Variants in ARL6IP6 observed in about 807,000 individuals in gnomAD.
The protein encoded by ARL6IP6 is ADP-ribosylation factor-like protein 6-interacting protein 6.
In ARL6IP6, 22 loss-of-function variants were observed where a neutral mutation model predicts 21.5. That is an observed-to-expected ratio of 1.02 (90% CI 0.73 to 1.46). ARL6IP6 has a LOEUF of 1.46. ARL6IP6 is among the 40% of genes most tolerant of loss of function. The pLI is 0.00. For synonymous variants in ARL6IP6, 164 were observed against 125.3 expected (o/e 1.31, Z -2.06); for missense variants, 388 against 299.8 (o/e 1.29, Z -2.17).
At chr2:152,740,671 A>G (rs1419926173) in intron 3 of ARL6IP6, among the ~76,000 whole-genome samples, 2 of 152,022 alleles carry the variant, frequency 1.3e-5, no homozygotes, top group Non-Finnish European at 2.9e-5. Flanking sequence ...GCATATATAT[A>G]TTATGTAGTC....
At chr2:152,752,056 G>A (rs376094638) in intron 3 of ARL6IP6, among the ~76,000 whole-genome samples, 12 of 152,210 alleles carry the variant, frequency 7.9e-5, no homozygotes, top group South Asian at 6.2e-4. Flanking sequence ...TCTAAATTAC[G>A]TAATAAAGGT....
intron 1 of ARL6IP6, chr2:152,720,068 TTA>T: frequency 2.4e-6 from 1 of 414,840 alleles, no homozygotes; most frequent in Admixed American, 3.1e-5. Context: ...AATGTTTCAT[TTA>T]TCATTCCCCT....
chr2:152,745,777 C>T (rs979212472), intron 3 of ARL6IP6, among the ~76,000 whole-genome samples: 2 of 152,050 alleles, frequency 1.3e-5, no homozygotes, highest in African/African-American at 2.4e-5. Flanking sequence ...CTATTCAGAG[C>T]CATCAATTAC....
rs150987884 is a variant in ARL6IP6, at chr2:152,754,329, A to T, written c.588-5418A>T. Among the ~76,000 whole-genome samples, 230 of 151,880 alleles carry T rather than the reference A, an allele frequency of 1.5e-3. 1 individual carries two copies. Among genetic ancestry groups the T allele is most frequent in the Non-Finnish European group, 1.9e-3 (130 of 67,932 alleles). On this transcript the variant is annotated intron_variant, in intron 3 of 3. Coordinates refer to ENST00000326446, the MANE Select transcript of ARL6IP6 (RefSeq NM_152522.7). ...AATCGTACAGATTTTTTTTTAATGT[A>T]GTCTTTTGTGTTTACTCCTTTCACT...
chr2:152,761,461 G>A lies in ARL6IP6; in HGVS notation c.*1621G>A, dbSNP rs530554346. On this transcript the variant is annotated 3_prime_UTR_variant, in exon 4 of 4. Coordinates refer to ENST00000326446, the MANE Select transcript of ARL6IP6 (RefSeq NM_152522.7). The stretch of plus-strand genomic sequence containing the variant: ...TCTCTCCACCACTCTGTATTCCCAC[G>A]CACCACCAATGTGAGTAACTCCCTC... Among the ~76,000 whole-genome samples, 5 of 152,034 alleles carry A rather than the reference G, an allele frequency of 3.3e-5. No individual in the cohort carries two copies. The South Asian group carries it at 6.2e-4, about 19-fold the overall frequency.
chr2:152,755,968 A>G (rs1036941633), intron 3 of ARL6IP6, among the ~76,000 whole-genome samples: 8 of 152,136 alleles, frequency 5.3e-5, no homozygotes, highest in African/African-American at 1.9e-4. Context: ...TTTACTTATA[A>G]GAGTTATTTT....
chr2:152,720,015 T>C, intron 1 of ARL6IP6: 1 of 453,926 alleles, frequency 2.2e-6, no homozygotes, highest in South Asian at 1.6e-5. Flanking sequence ...GTAAACTGAA[T>C]GTGCATAAAA....
rs1274075319 is a variant in ARL6IP6, at chr2:152,755,224, G to A, written c.588-4523G>A. Among the ~76,000 whole-genome samples, 8 of 152,164 alleles carry A rather than the reference G, an allele frequency of 5.3e-5. No individual in the cohort carries two copies. The East Asian group carries it at 5.8e-4, about 11-fold the overall frequency. ...AACGCCAGCATCTGCGAAGACACGC[G>A]TTGCCAAGCGGACCATGGTCTAGCG... On this transcript the variant is annotated intron_variant, in intron 3 of 3. Coordinates refer to ENST00000326446, the MANE Select transcript of ARL6IP6 (RefSeq NM_152522.7).
chr2:152,720,607 T>A (rs1311764371), intron 2 of ARL6IP6, 21 bp downstream of exon 2: 7 of 1,607,972 alleles, frequency 4.4e-6, no homozygotes, highest in Non-Finnish European at 6.0e-6. Flanking sequence ...AATTGCCGCT[T>A]GCTTTGGTTT....
At position 152,761,597 on chromosome 2, in the gene ARL6IP6, A is replaced by G. The variant is rs1349351711; in HGVS notation, c.*1757A>G. 6.6e-6 allele frequency among the ~76,000 whole-genome samples: 1 copy of G among 152,196 alleles called. No individual in the cohort carries two copies. Among genetic ancestry groups the G allele is most frequent in the Non-Finnish European group, 1.5e-5 (1 of 68,038 alleles). On this transcript the variant is annotated 3_prime_UTR_variant, in exon 4 of 4. Transcript: ENST00000326446. ...TATAACAACGTTTTGGTCACAACGA[A>G]CTGTACTTATGATAGTGAATCCCCC...
chr2:152,746,320 C>T (rs1701045307), intron 3 of ARL6IP6, among the ~76,000 whole-genome samples: 1 of 152,132 alleles, frequency 6.6e-6, no homozygotes, highest in African/African-American at 2.4e-5. Context: ...AGCCACCTTG[C>T]CCAGCTGCTC....
intron 3 of ARL6IP6, among the ~76,000 whole-genome samples, chr2:152,757,617 G>A (rs16831742): frequency 0.052 from 7,882 of 152,218 alleles, 696 homozygotes; most frequent in African/African-American, 0.18. Flanking sequence ...GAGAAAGCCT[G>A]CAGGGATTGT....
At chr2:152,759,234 A>C (rs943190876) in intron 3 of ARL6IP6, among the ~76,000 whole-genome samples, 1 of 152,196 alleles carries the variant, frequency 6.6e-6, no homozygotes, top group African/African-American at 2.4e-5. Flanking sequence ...ACTTCAATTA[A>C]GTAACCTATT....
chr2:152,745,264 CATA>C (rs890419188), intron 3 of ARL6IP6, among the ~76,000 whole-genome samples: 1 of 152,076 alleles, frequency 6.6e-6, no homozygotes, highest in African/African-American at 2.4e-5. Flanking sequence ...ACAGTTGAAT[CATA>C]ATATGCAATT....
At chr2:152,741,234 T>C in intron 3 of ARL6IP6, among the ~76,000 whole-genome samples, 1 of 152,146 alleles carries the variant, frequency 6.6e-6, no homozygotes, top group East Asian at 1.9e-4. Flanking sequence ...GGAAAATTAC[T>C]GCTGACATTT....
Position 152,718,620 on chromosome 2 carries a change from G to A in ARL6IP6, c.-5G>A, listed in dbSNP as rs748758111. On this transcript the variant is annotated 5_prime_UTR_variant, in exon 1 of 4. Coordinates refer to ENST00000326446, the MANE Select transcript of ARL6IP6 (RefSeq NM_152522.7). ...TTCTCCGCGGGTTTCGTTGTGTTTC[G>A]CGCCATGTCGTTTGCTGAGAGCGGG... 4.2e-5 allele frequency: 63 copies of A among 1,515,370 alleles called. No homozygotes were observed. Among genetic ancestry groups the A allele is most frequent in the Non-Finnish European group, 5.4e-5 (61 of 1,131,390 alleles). The allele number at this position is 1,515,370 out of a possible 1,614,324, so 93.9% of individuals were successfully genotyped here. A position where few individuals can be genotyped will look rare whatever the true frequency, so the allele number is the denominator to read the frequency against.
chr2:152,745,569 A>G (rs1338701632), intron 3 of ARL6IP6, among the ~76,000 whole-genome samples: 1 of 152,226 alleles, frequency 6.6e-6, no homozygotes, highest in Non-Finnish European at 1.5e-5. Flanking sequence ...CATTGAGCAC[A>G]GTGAATTGAC....
At chr2:152,752,394 C>T (rs1048810574) in intron 3 of ARL6IP6, among the ~76,000 whole-genome samples, 2 of 152,170 alleles carry the variant, frequency 1.3e-5, no homozygotes, top group Non-Finnish European at 2.9e-5. Flanking sequence ...TTTGGTCATG[C>T]GTGCCTCTAG....
intron 3 of ARL6IP6, among the ~76,000 whole-genome samples, chr2:152,746,864 C>G (rs1487892344): frequency 3.6e-5 from 2 of 55,344 alleles, no homozygotes; most frequent in African/African-American, 1.4e-4. Context: ...GCTTTGTTGC[C>G]CCAGGCCGAA....
Sources: gnomAD v4.1 joint callset for allele counts (sites outside exome capture counted in the v4.1 genomes callset) on GRCh38, gnomAD v4.1.1 for gene constraint, MANE v1.5 for transcripts, NCBI Gene and HGNC (gene_info 2026-07-23, HGNC 2026-07-21) for gene names.